Variants in FNIP2 observed in about 807,000 individuals in gnomAD.
FNIP2 encodes the protein folliculin-interacting protein 2.
Under a neutral mutation model 108.7 loss-of-function variants are expected in FNIP2, and 32 were observed. That is an observed-to-expected ratio of 0.29 (90% CI 0.22 to 0.40). The LOEUF (loss-of-function observed/expected upper bound fraction) is 0.40, where lower values mean the gene tolerates loss of function less well. Among genes scored for constraint, FNIP2 ranks in the 10% least tolerant of loss-of-function variants. The pLI is 1.00. For synonymous variants in FNIP2, 480 were observed against 496.7 expected, an observed-to-expected ratio of 0.97 and a Z score of 0.45; for missense variants, 1,202 against 1,381.6, an observed-to-expected ratio of 0.87 and a Z score of 2.06.
intron 14 of FNIP2, among the ~76,000 whole-genome samples, chr4:158,881,602 C>T (rs1315782395): frequency 1.6e-4 from 24 of 152,326 alleles, no homozygotes; most frequent in Admixed American, 7.2e-4. Context: ...AGGCGCGTGC[C>T]GCCACGCCTG....
At position 158,905,363 on chromosome 4, in the gene FNIP2, A is replaced by G. The variant is rs973192350; in HGVS notation, c.*819A>G. The G allele has an allele frequency of 6.6e-6, 1 of 152,186 alleles. No individual in the cohort carries two copies. Among genetic ancestry groups the G allele is most frequent in the Non-Finnish European group, 1.5e-5 (1 of 68,038 alleles). The allele number at this position is 152,186 out of a possible 1,614,324, so 9.4% of individuals were successfully genotyped here. ...GAGCTTTCAGCAGCCTTTTTAAGAG[A>G]GGCCACTTACCAAAGTTATTTCTAT... On this transcript the variant is annotated 3_prime_UTR_variant, in exon 17 of 17. Transcript: ENST00000264433.
At chr4:158,790,146 T>C (rs2126449242) in intron 1 of FNIP2, among the ~76,000 whole-genome samples, 1 of 151,946 alleles carries the variant, frequency 6.6e-6, no homozygotes, top group Admixed American at 6.5e-5. Context: ...GAATTTTATG[T>C]TGAGACCTGG....
At chr4:158,844,734 C>G (rs951129699) in intron 7 of FNIP2, among the ~76,000 whole-genome samples, 2 of 152,186 alleles carry the variant, frequency 1.3e-5, no homozygotes, top group Non-Finnish European at 2.9e-5. Flanking sequence ...GCTTCAGGGC[C>G]TTATTTGGTC....
At chr4:158,824,087 A>G (rs1778027514) in intron 1 of FNIP2, among the ~76,000 whole-genome samples, 1 of 152,230 alleles carries the variant, frequency 6.6e-6, no homozygotes, top group Non-Finnish European at 1.5e-5. Flanking sequence ...TGAAAAAGGA[A>G]AAGACCAAAA....
rs771278684 is a variant in FNIP2 at position 158,895,858 on chromosome 4, G to A, written c.3259G>A (p.Val1087Ile). 16 of 1,609,540 alleles carry A rather than the reference G, an allele frequency of 9.9e-6. No homozygotes were observed. The highest frequency in any genetic ancestry group is 1.1e-5 in the Non-Finnish European group (13 of 1,176,866). Reference protein sequence around the residue: ...TRVHVKELGVVLGIESNDLPL... With the variant: ...TRVHVKELGVILGIESNDLPL... Reference sequence around the variant, plus strand: ...AGTCCATGTGAAAGAATTAGGTGTCGTACTGGGGTGAGTTCTGTGAAGTGC... The same window carrying A: ...AGTCCATGTGAAAGAATTAGGTGTCATACTGGGGTGAGTTCTGTGAAGTGC... Residue 1087 changes from valine (V) to isoleucine (I), a missense_variant, in exon 16 of 17, where the codon GTA (valine) becomes ATA (isoleucine). Physicochemically the swap from Val to Ile is conservative, Grantham distance 29. Coordinates refer to ENST00000264433, the MANE Select transcript of FNIP2 (RefSeq NM_020840.3).
intron 1 of FNIP2, among the ~76,000 whole-genome samples, chr4:158,793,984 C>G (rs961904219): frequency 1.3e-5 from 2 of 152,138 alleles, no homozygotes; most frequent in African/African-American, 4.8e-5. Flanking sequence ...TGAAATGTGG[C>G]TAGCCTGAAT....
At chr4:158,833,948 G>T (rs147024512) in intron 6 of FNIP2, 11 of 1,142,522 alleles carry the variant, frequency 9.6e-6, no homozygotes, top group South Asian at 4.9e-5. Context: ...TCCTGTGCAG[G>T]TTCTTAGGAA....
At chr4:158,797,045 C>T (rs1222555212) in intron 1 of FNIP2, among the ~76,000 whole-genome samples, 2 of 152,182 alleles carry the variant, frequency 1.3e-5, no homozygotes, top group Non-Finnish European at 2.9e-5. Flanking sequence ...TCTTTCATTT[C>T]CCAGCTTTCT....
chr4:158,821,924 C>T (rs1480119419), intron 1 of FNIP2, among the ~76,000 whole-genome samples: 3 of 151,932 alleles, frequency 2.0e-5, no homozygotes, highest in Non-Finnish European at 4.4e-5. Flanking sequence ...CCTCTCTCTA[C>T]AAAAAATACA....
chr4:158,840,287 A>G (rs1458323966), intron 7 of FNIP2, among the ~76,000 whole-genome samples: 2 of 152,222 alleles, frequency 1.3e-5, no homozygotes, highest in East Asian at 3.8e-4. Context: ...ATACATTTTT[A>G]CCTAGAAATG....
chr4:158,876,245 T>A (rs72971351), intron 14 of FNIP2, among the ~76,000 whole-genome samples: 3,813 of 152,326 alleles, frequency 0.025, 162 homozygotes, highest in African/African-American at 0.085. Flanking sequence ...GTGTCCACTT[T>A]ACCCACTTCC....
intron 16 of FNIP2, among the ~76,000 whole-genome samples, 196 bp downstream of exon 16, chr4:158,896,061 C>G (rs1782643738): frequency 6.6e-6 from 1 of 152,182 alleles, no homozygotes; most frequent in Non-Finnish European, 1.5e-5. Flanking sequence ...GGTTTCACAC[C>G]TACAATCAAT....
intron 1 of FNIP2, among the ~76,000 whole-genome samples, chr4:158,790,729 A>G (rs1776385888): frequency 6.6e-6 from 1 of 152,210 alleles, no homozygotes; most frequent in African/African-American, 2.4e-5. Context: ...CCTGGGTGAC[A>G]TAGTGAGACC....
At chr4:158,792,106 T>TAC (rs144281641) in intron 1 of FNIP2, among the ~76,000 whole-genome samples, 126 of 151,110 alleles carry the variant, frequency 8.3e-4, no homozygotes, top group South Asian at 3.6e-3. Context: ...GCTGTCTCAA[T>TAC]ACACACACAC....
intron 1 of FNIP2, among the ~76,000 whole-genome samples, chr4:158,772,652 C>G (rs1253945244): frequency 6.6e-6 from 1 of 152,160 alleles, no homozygotes; most frequent in Admixed American, 6.5e-5. Context: ...AAGTGCTGAT[C>G]CCCACTGTTT....
intron 1 of FNIP2, among the ~76,000 whole-genome samples, chr4:158,771,879 T>G (rs1458060902): frequency 1.3e-5 from 2 of 151,894 alleles, no homozygotes; most frequent in East Asian, 1.9e-4. Context: ...TCTTGTGCAC[T>G]TCCTAGTCCC....
intron 12 of FNIP2, among the ~76,000 whole-genome samples, chr4:158,863,945 C>T (rs903811311): frequency 1.3e-5 from 2 of 152,198 alleles, no homozygotes; most frequent in African/African-American, 2.4e-5. Context: ...CAGAAGTTTA[C>T]ATTGTATTTT....
intron 1 of FNIP2, among the ~76,000 whole-genome samples, chr4:158,819,900 G>A (rs1338239060): frequency 6.6e-6 from 1 of 152,198 alleles, no homozygotes; most frequent in African/African-American, 2.4e-5. Flanking sequence ...TAAGGAAACG[G>A]TGGAGGTTGG....
Position 158,906,234 on chromosome 4 carries a change from C to CCTCACCTGT in FNIP2, c.*1691_*1699dup, listed in dbSNP as rs1444725477. On this transcript the variant is annotated 3_prime_UTR_variant, in exon 17 of 17. Transcript: ENST00000264433. ...TGTTGTGTTACAGAGAGAGAAGGAA[C>CCTCACCTGT]CTCACCTGTGGCTCAGCTCACCCCA... 2 of 152,170 alleles carry CCTCACCTGT rather than the reference C, an allele frequency of 1.3e-5. No individual in the cohort carries two copies. Among genetic ancestry groups the CCTCACCTGT allele is most frequent in the Non-Finnish European group, 1.5e-5 (1 of 68,030 alleles). 9.4% of individuals were successfully genotyped at this position (152,170 alleles called of 1,614,324 possible). A position where few individuals can be genotyped will look rare whatever the true frequency, so the allele number is the denominator to read the frequency against.
Sources: gnomAD v4.1 joint callset for allele counts (sites outside exome capture counted in the v4.1 genomes callset) on GRCh38, gnomAD v4.1.1 for gene constraint, MANE v1.5 for transcripts, NCBI Gene and HGNC (gene_info 2026-07-23, HGNC 2026-07-21) for gene names.